Variants in MIS18A observed in about 807,000 individuals in gnomAD.
MIS18A encodes the protein MIS18 kinetochore protein A, also known as protein Mis18-alpha.
In MIS18A, 14 loss-of-function variants were observed where a neutral mutation model predicts 25.0. The ratio of observed to expected loss-of-function variants is 0.56; its 90% CI spans 0.37 to 0.88. The LOEUF is 0.88. Among genes scored for constraint, MIS18A ranks in the 40% least tolerant of loss-of-function variants. The probability of loss-of-function intolerance (pLI) is 0.00; values close to 1 mark genes in which losing one functional copy is unlikely to be tolerated. For missense variants in MIS18A, 292 were observed against 290.8 expected, an observed-to-expected ratio of 1.00 and a Z score of -0.03; for synonymous variants, 134 against 118.6, an observed-to-expected ratio of 1.13 and a Z score of -0.84.
chr21:32,220,279 G>A, the MIS18A span, among the ~76,000 whole-genome samples: 3 of 152,200 alleles, frequency 2.0e-5, no homozygotes, highest in Non-Finnish European at 4.4e-5. Flanking sequence ...CCAGAGGAAG[G>A]AGCAAGCAGC....
At chr21:32,221,679 A>G in the MIS18A span, among the ~76,000 whole-genome samples, 1 of 150,196 alleles carries the variant, frequency 6.7e-6, no homozygotes, top group South Asian at 2.1e-4. Context: ...GGAGTTCAAG[A>G]CCAACCTGGC....
chr21:32,184,217 C>T, the MIS18A span, among the ~76,000 whole-genome samples: 5 of 152,322 alleles, frequency 3.3e-5, no homozygotes, highest in South Asian at 8.3e-4. Flanking sequence ...TGTTACTGCC[C>T]TCCAGACGCG....
At chr21:32,194,836 A>C in the MIS18A span, among the ~76,000 whole-genome samples, 1 of 152,072 alleles carries the variant, frequency 6.6e-6, no homozygotes, top group South Asian at 2.1e-4. Flanking sequence ...TGGGAGCTAA[A>C]CAATGGCTAC....
At chr21:32,221,790 G>A in the MIS18A span, among the ~76,000 whole-genome samples, 6 of 151,778 alleles carry the variant, frequency 4.0e-5, no homozygotes, top group African/African-American at 1.5e-4. Flanking sequence ...CTACTCAGGA[G>A]GCTGAGGCAG....
chr21:32,212,141 G>C, the MIS18A span, among the ~76,000 whole-genome samples: 1 of 152,220 alleles, frequency 6.6e-6, no homozygotes, highest in Non-Finnish European at 1.5e-5. Flanking sequence ...TTAAGTCAGA[G>C]AGGAGAGGTT....
At chr21:32,192,318 A>G in the MIS18A span, among the ~76,000 whole-genome samples, 1 of 151,854 alleles carries the variant, frequency 6.6e-6, no homozygotes, top group Non-Finnish European at 1.5e-5. Flanking sequence ...CTGCAGCCCC[A>G]CTCCAACCCT....
the MIS18A span, among the ~76,000 whole-genome samples, chr21:32,187,297 T>C: frequency 6.6e-6 from 1 of 152,168 alleles, no homozygotes; most frequent in Non-Finnish European, 1.5e-5. Flanking sequence ...ACTTAGGACA[T>C]TTGCCTCCTG....
At chr21:32,257,751 C>T in the MIS18A span, among the ~76,000 whole-genome samples, 2 of 152,150 alleles carry the variant, frequency 1.3e-5, no homozygotes, top group Non-Finnish European at 2.9e-5. Flanking sequence ...TTGGAGGCTC[C>T]GTAGGACACA....
Position 32,278,829 on chromosome 21 carries a change from G to C in MIS18A, c.186C>G (p.Ala62=), listed in dbSNP as rs756509719. The part of the protein sequence containing the change: ...WSSMSEDASV[A]DMERAQLEEE... The stretch of plus-strand genomic sequence containing the variant: ...CCTCCAGCTGCGCCCTCTCCATGTC[G>C]GCCACCGACGCGTCTTCGCTCATGG... Residue 62 remains alanine, a synonymous_variant, in exon 1 of 5, where the codon GCC becomes GCG. Coordinates refer to ENST00000290130, the MANE Select transcript of MIS18A (RefSeq NM_018944.3). 2 of 1,603,996 alleles carry C rather than the reference G, an allele frequency of 1.2e-6. No homozygotes were observed. Among genetic ancestry groups the C allele is most frequent in the African/African-American group, 1.3e-5 (1 of 74,820 alleles).
the MIS18A span, among the ~76,000 whole-genome samples, chr21:32,182,395 A>G: frequency 7.6e-6 from 1 of 132,430 alleles, no homozygotes; most frequent in South Asian, 2.3e-4. Flanking sequence ...ACCTATGAAC[A>G]GCATCCCCCC....
chr21:32,218,110 A>G, the MIS18A span, among the ~76,000 whole-genome samples: 6 of 148,806 alleles, frequency 4.0e-5, no homozygotes, highest in Non-Finnish European at 5.9e-5. Context: ...GGAAAATGGC[A>G]TGAACCCAGG....
chr21:32,267,931 G>A (rs2031634822), downstream of MIS18A, among the ~76,000 whole-genome samples: 2 of 152,182 alleles, frequency 1.3e-5, no homozygotes, highest in African/African-American at 4.8e-5. Flanking sequence ...AAGAACAGAA[G>A]AATCCTGCAT....
the MIS18A span, among the ~76,000 whole-genome samples, chr21:32,176,216 CATT>C: frequency 6.6e-6 from 1 of 152,178 alleles, no homozygotes; most frequent in Non-Finnish European, 1.5e-5. Context: ...TGTTTATTAT[CATT>C]ATCGAGTATT....
At chr21:32,245,181 T>C in the MIS18A span, among the ~76,000 whole-genome samples, 1 of 152,340 alleles carries the variant, frequency 6.6e-6, no homozygotes, top group East Asian at 1.9e-4. Context: ...GACCACCTCC[T>C]GGATTATGGT....
the MIS18A span, among the ~76,000 whole-genome samples, chr21:32,234,076 G>A: frequency 3.3e-5 from 5 of 152,130 alleles, no homozygotes; most frequent in Non-Finnish European, 5.9e-5. Flanking sequence ...GTGGAATTTA[G>A]GTAATAACAA....
chr21:32,229,715 C>G, the MIS18A span, among the ~76,000 whole-genome samples: 4 of 152,178 alleles, frequency 2.6e-5, no homozygotes, highest in Non-Finnish European at 5.9e-5. Context: ...TTGGTCAATT[C>G]TTTGCTTTTG....
the MIS18A span, among the ~76,000 whole-genome samples, chr21:32,258,867 T>C: frequency 8.2e-6 from 1 of 122,630 alleles, no homozygotes; most frequent in African/African-American, 3.7e-5. Flanking sequence ...TATTTATTTA[T>C]TTATTTATTT....
At chr21:32,186,040 T>TG in the MIS18A span, among the ~76,000 whole-genome samples, 2 of 138,552 alleles carry the variant, frequency 1.4e-5, no homozygotes, top group African/African-American at 6.2e-5. Context: ...AAGCTCTGGG[T>TG]GACTGTTTAA....
chr21:32,156,523 C>T, the MIS18A span: 1 of 152,072 alleles, frequency 6.6e-6, no homozygotes, highest in Non-Finnish European at 1.5e-5. Flanking sequence ...GAAAACATCC[C>T]CCAGTGAGTT....
Sources: allele counts gnomAD v4.1 joint callset (sites outside exome capture counted in the v4.1 genomes callset), GRCh38; gene constraint gnomAD v4.1.1; transcripts MANE v1.5; gene names NCBI Gene and HGNC (gene_info 2026-07-23, HGNC 2026-07-21).